CABLES1: variants seen among roughly 807,000 people sequenced by gnomAD.
CABLES1 encodes CDK5 and ABL1 enzyme substrate 1.
Under a neutral mutation model 57.8 loss-of-function variants are expected in CABLES1, and 36 were observed. The observed-to-expected ratio is 0.62, with a 90% CI of 0.48 to 0.82. The LOEUF (loss-of-function observed/expected upper bound fraction) is 0.82. Ranked by LOEUF, CABLES1 falls within the 40% of genes least tolerant of loss-of-function variation. The pLI, the probability that CABLES1 is intolerant of heterozygous loss-of-function variation, is 0.00. For missense variants in CABLES1, 767 were observed against 836.6 expected, an observed-to-expected ratio of 0.92 and a Z score of 1.03; for synonymous variants, 374 against 363.0, an observed-to-expected ratio of 1.03 and a Z score of -0.35.
Position 23,154,298 on chromosome 18 carries a change from C to T in CABLES1, c.845+17691C>T, listed in dbSNP as rs868180129. On this transcript the variant is annotated intron_variant, in intron 1 of 9. Coordinates refer to ENST00000256925, the MANE Select transcript of CABLES1 (RefSeq NM_001100619.3). ...GGTGTGCTGTCCATTTGTTCTTGCT[C>T]GGCAAGTCAAATTAAGGCTGAGGTG... 3.9e-5 allele frequency among the ~76,000 whole-genome samples: 6 copies of T among 152,136 alleles called. 1 individual carries two copies. In the South Asian group the frequency reaches 6.2e-4, roughly 16 times the overall value.
chr18:23,202,223 G>C (rs538921358), intron 3 of CABLES1, among the ~76,000 whole-genome samples: 1 of 152,224 alleles, frequency 6.6e-6, no homozygotes, highest in African/African-American at 2.4e-5. Context: ...TGGGCATTGC[G>C]GGTCATTTTG....
chr18:23,236,692 TTGG>T (rs1226993617), intron 6 of CABLES1, among the ~76,000 whole-genome samples: 18 of 152,230 alleles, frequency 1.2e-4, no homozygotes, highest in Admixed American at 6.5e-5. Flanking sequence ...CAGCTGTGCC[TTGG>T]TGGCCGCTCT....
At chr18:23,227,477 G>GAAGGCTT (rs1677964870) in intron 4 of CABLES1, among the ~76,000 whole-genome samples, 1 of 152,202 alleles carries the variant, frequency 6.6e-6, no homozygotes, top group South Asian at 2.1e-4. Flanking sequence ...CCTTGCAGGG[G>GAAGGCTT]ATGGCTTATG....
intron 1 of CABLES1, among the ~76,000 whole-genome samples, chr18:23,151,265 GC>G (rs2046928518): frequency 6.6e-6 from 1 of 151,878 alleles, no homozygotes; most frequent in Non-Finnish European, 1.5e-5. Context: ...TGATCCGCCT[GC>G]CTCGGCCTCC....
intron 1 of CABLES1, among the ~76,000 whole-genome samples, chr18:23,166,062 A>C (rs944436584): frequency 6.6e-6 from 1 of 152,192 alleles, no homozygotes; most frequent in South Asian, 2.1e-4. Context: ...GCAAGTAGTC[A>C]TCTTATTAAT....
chr18:23,175,259 A>G (rs1201091137), intron 1 of CABLES1, among the ~76,000 whole-genome samples: 2 of 152,222 alleles, frequency 1.3e-5, no homozygotes, highest in Non-Finnish European at 2.9e-5. Context: ...TCTCAAGTTT[A>G]TAAAATGTAT....
At chr18:23,144,197 G>A (rs573198443) in intron 1 of CABLES1, among the ~76,000 whole-genome samples, 1 of 152,330 alleles carries the variant, frequency 6.6e-6, no homozygotes, top group African/African-American at 2.4e-5. Context: ...GCCCTGGTCT[G>A]ACTGGAGGGC....
chr18:23,136,337 C>T lies in CABLES1; in HGVS notation c.575C>T (p.Ala192Val), dbSNP rs2144941595. Residue 192 changes from alanine to valine, a missense_variant, in exon 1 of 10, where the codon GCC becomes GTC. Transcript: ENST00000256925. The stretch of plus-strand genomic sequence containing the variant: ...CGGCCGGCGCCTCTCGCCGCCTGTG[C>T]CCAACTGCAGCTGCTCGACGGGTCC... ...PPRPAPLAAC[A>V]QLQLLDGSGA... is the part of the protein sequence containing the mutation. 2.1e-6 allele frequency: 3 copies of T among 1,447,782 alleles called. No individual in the cohort carries two copies. The highest frequency in any genetic ancestry group is 1.8e-6 in the Non-Finnish European group (2 of 1,102,384). The allele number at this position is 1,447,782 out of a possible 1,614,324, so 89.7% of individuals were successfully genotyped here.
At chr18:23,138,541 GA>G (rs2046837582) in intron 1 of CABLES1, among the ~76,000 whole-genome samples, 1 of 152,202 alleles carries the variant, frequency 6.6e-6, no homozygotes, top group Non-Finnish European at 1.5e-5. Context: ...ACTGATTTAA[GA>G]AAGGCGGAAA....
At chr18:23,194,304 T>C in intron 2 of CABLES1, 144 bp from the exon 3 acceptor site, 2 of 569,240 alleles carry the variant, frequency 3.5e-6, no homozygotes, top group East Asian at 5.8e-5. Flanking sequence ...CCAGCCGTGT[T>C]GTCTTCATTA....
chr18:23,213,369 G>GT (rs750575363), intron 3 of CABLES1, among the ~76,000 whole-genome samples: 86 of 151,136 alleles, frequency 5.7e-4, no homozygotes, highest in Middle Eastern at 3.4e-3. Context: ...TTGTTTTAAT[G>GT]TTTTTTTTTA....
At chr18:23,199,465 G>T (rs532183335) in intron 3 of CABLES1, among the ~76,000 whole-genome samples, 22 of 152,342 alleles carry the variant, frequency 1.4e-4, no homozygotes, top group South Asian at 1.2e-3. Flanking sequence ...CTCAGCAGAT[G>T]CATGGATAGA....
intron 1 of CABLES1, among the ~76,000 whole-genome samples, chr18:23,182,191 A>G (rs1746714044): frequency 6.6e-6 from 1 of 152,218 alleles, no homozygotes; most frequent in Non-Finnish European, 1.5e-5. Context: ...CACCCATGTA[A>G]TGTGCATATA....
chr18:23,200,266 GA>G (rs1249947739), intron 3 of CABLES1, among the ~76,000 whole-genome samples: 2 of 151,398 alleles, frequency 1.3e-5, no homozygotes, highest in African/African-American at 2.4e-5. Flanking sequence ...GGAGAGGGTA[GA>G]TTTTTTTTTT....
Position 23,235,890 on chromosome 18 carries a change from T to G in CABLES1, c.1186-5T>G, listed in dbSNP as rs376589831. The G allele has an allele frequency of 6.2e-7, 1 of 1,614,094 alleles. No homozygotes were observed. The highest frequency in any genetic ancestry group is 2.2e-5 in the East Asian group (1 of 44,876). On this transcript the variant is annotated splice_polypyrimidine_tract_variant and splice_region_variant and intron_variant, in intron 5 of 9. Transcript: ENST00000256925. ...CACTGGCCTGTTTTTGTCTTCACCT[T>G]TTAGACTGTTTCCTATACCCAATTT...
In CABLES1 at chr18:23,257,476, T is replaced by G; in HGVS notation, c.*109T>G. ...AGAACTCAGAATACCAGACTTTTCT[T>G]CCTCTCGACATAGTTTGGGGAGAAG... On this transcript the variant is annotated 3_prime_UTR_variant, in exon 10 of 10. Transcript: ENST00000256925. The G allele has an allele frequency of 8.0e-7, 1 of 1,242,660 alleles. No homozygotes were observed. Among genetic ancestry groups the G allele is most frequent in the Non-Finnish European group, 1.1e-6 (1 of 916,564 alleles). 77.0% of individuals were successfully genotyped at this position (1,242,660 alleles called of 1,614,324 possible).
chr18:23,199,214 T>A (rs1461564638), intron 3 of CABLES1, among the ~76,000 whole-genome samples: 3 of 152,206 alleles, frequency 2.0e-5, no homozygotes, highest in African/African-American at 4.8e-5. Context: ...AAAATAAAGT[T>A]GGAACTGTCA....
intron 4 of CABLES1, 88 bp from the exon 5 acceptor site, chr18:23,234,520 G>A: frequency 1.1e-6 from 1 of 948,372 alleles, no homozygotes; most frequent in Non-Finnish European, 1.7e-6. Context: ...TCATCGGTGT[G>A]ACTGTGTTGT....
chr18:23,246,545 C>T (rs1340191636), intron 7 of CABLES1, among the ~76,000 whole-genome samples: 2 of 151,950 alleles, frequency 1.3e-5, no homozygotes, highest in Non-Finnish European at 2.9e-5. Flanking sequence ...GCACCCGCCA[C>T]CACACCCGGC....
Sources: allele counts gnomAD v4.1 joint callset (sites outside exome capture counted in the v4.1 genomes callset), GRCh38; gene constraint gnomAD v4.1.1; transcripts MANE v1.5; gene names NCBI Gene and HGNC (gene_info 2026-07-23, HGNC 2026-07-21).